The following SCD variants were observed in gnomAD, a reference collection of about 807,000 sequenced individuals.
SCD encodes the protein stearoyl-CoA desaturase.
In SCD, 4 loss-of-function variants were observed where a neutral mutation model predicts 35.7. That is an observed-to-expected ratio of 0.11 (90% CI 0.06 to 0.26). SCD has a LOEUF of 0.26. Ranked by LOEUF, SCD falls within the 10% of genes least tolerant of loss-of-function variation. SCD has a pLI of 1.00. For synonymous variants in SCD, 150 were observed against 170.2 expected (o/e 0.88, Z 0.92); for missense variants, 282 against 460.7 (o/e 0.61, Z 3.55).
At position 100,360,723 on chromosome 10, in the gene SCD, T is replaced by G. The variant is rs1254370038; in HGVS notation, c.881-11T>G. 2.5e-6 allele frequency: 4 copies of G among 1,606,572 alleles called. No individual in the cohort carries two copies. Among genetic ancestry groups the G allele is most frequent in the African/African-American group, 2.9e-5 (2 of 68,934 alleles). ...GCACCGTCACTCCATAACTTCTCGC[T>G]TTTGTTTCAGGTGAGGGCTTCCACA... On this transcript the variant is annotated splice_polypyrimidine_tract_variant and intron_variant, in intron 5 of 5. Coordinates refer to ENST00000370355, the MANE Select transcript of SCD (RefSeq NM_005063.5).
intron 5 of SCD, among the ~76,000 whole-genome samples, chr10:100,358,715 C>T (rs1347645806): frequency 1.4e-5 from 2 of 147,708 alleles, no homozygotes; most frequent in Non-Finnish European, 3.0e-5. Context: ...TAGAGATCAG[C>T]CAGGCCAATA....
Position 100,360,957 on chromosome 10 carries a change from T to G in SCD, c.*24T>G, listed in dbSNP as rs201774588. On this transcript the variant is annotated 3_prime_UTR_variant, in exon 6 of 6. Coordinates refer to ENST00000370355, the MANE Select transcript of SCD (RefSeq NM_005063.5). ...GAGTTTGGGGTCCCTCAGGTTCCTT[T>G]TTCAAAAACCAGCCAGGCAGAGGTT... is the stretch of plus-strand genomic sequence containing the variant. 9 of 1,605,150 alleles carry G rather than the reference T, an allele frequency of 5.6e-6. No individual in the cohort carries two copies. Among genetic ancestry groups the G allele is most frequent in the Non-Finnish European group, 7.7e-6 (9 of 1,173,194 alleles).
chr10:100,348,898 T>A (rs778535369), intron 2 of SCD, among the ~76,000 whole-genome samples: 3 of 152,196 alleles, frequency 2.0e-5, no homozygotes, highest in Non-Finnish European at 4.4e-5. Flanking sequence ...GCTTCTTCGT[T>A]ACAGAGGAAG....
At chr10:100,353,978 C>T (rs913588393) in intron 3 of SCD, among the ~76,000 whole-genome samples, 1 of 152,228 alleles carries the variant, frequency 6.6e-6, no homozygotes, top group Non-Finnish European at 1.5e-5. Flanking sequence ...TGCAAGGCAC[C>T]AGAATGGTGC....
At chr10:100,354,404 A>G (rs1298571445) in intron 3 of SCD, 23 bp from the exon 4 acceptor site, 11 of 1,598,066 alleles carry the variant, frequency 6.9e-6, no homozygotes, top group Non-Finnish European at 9.4e-6. Context: ...CAAGCCTTAC[A>G]TTCCTCTTCT....
Position 100,352,035 on chromosome 10 carries a change from TAG to T in SCD, c.311-328_311-327del, listed in dbSNP as rs1849877538. 6.6e-6 allele frequency among the ~76,000 whole-genome samples: 1 copy of T among 152,140 alleles called. No individual in the cohort carries two copies. Among genetic ancestry groups the T allele is most frequent in the African/African-American group, 2.4e-5 (1 of 41,428 alleles). ...CTTAAAACCTTAGAGAAGGCCTAGA[TAG>T]AGGTGAAAGGAGATAGCTAGGCCCT... is the stretch of plus-strand genomic sequence containing the variant. On this transcript the variant is annotated intron_variant, in intron 2 of 5. Coordinates refer to ENST00000370355, the MANE Select transcript of SCD (RefSeq NM_005063.5). This position sits in a 1 kb window ranked among gnomAD's most constrained non-coding sequence, Gnocchi z 4.2.
rs768356442 is a variant in SCD, at chr10:100,347,524, A to G, written c.20A>G (p.Gln7Arg). The G allele has an allele frequency of 6.2e-7, 1 of 1,614,022 alleles. No homozygotes were observed. Among genetic ancestry groups the G allele is most frequent in the Non-Finnish European group, 8.5e-7 (1 of 1,180,010 alleles). The change falls in exon 1 of 6, where the codon CAG (glutamine) becomes CGG (arginine). Residue 7 changes from glutamine to arginine, a missense_variant. By Grantham distance (43) the Gln-to-Arg change is conservative. Coordinates refer to ENST00000370355, the MANE Select transcript of SCD (RefSeq NM_005063.5). MPAHLL[Q>R]DDISSSYTTT... ...GCCAAGATGCCGGCCCACTTGCTGC[A>G]GGACGATGTGAGTTTCCCAGCCTGG...
Position 100,347,431 on chromosome 10 carries a change from G to T in SCD, c.-74G>T. The T allele has an allele frequency of 6.5e-7, 1 of 1,534,694 alleles. No individual in the cohort carries two copies. Among genetic ancestry groups the T allele is most frequent in the South Asian group, 1.2e-5 (1 of 86,166 alleles). On this transcript the variant is annotated 5_prime_UTR_variant, in exon 1 of 6. Transcript: ENST00000370355. ...CGTACCGGCGGGCTTCGAAACCGCA[G>T]TCCTCCGGCGACCCCGAACTCCGCT...
At position 100,363,793 on chromosome 10, in the gene SCD, A is replaced by C. The variant is rs202067208; in HGVS notation, c.*2860A>C. The stretch of plus-strand genomic sequence containing the variant: ...TCAATTCAAGTGACACATTAATGAT[A>C]AACTCAGATCTGATCAAGAGTCCGG... On this transcript the variant is annotated 3_prime_UTR_variant, in exon 6 of 6. Coordinates refer to ENST00000370355, the MANE Select transcript of SCD (RefSeq NM_005063.5). The C allele has an allele frequency of 1.3e-5, 2 of 152,592 alleles. No individual in the cohort carries two copies. The highest frequency in any genetic ancestry group is 2.4e-5 in the African/African-American group (1 of 41,424). 9.5% of individuals were successfully genotyped at this position (152,592 alleles called of 1,614,324 possible).
chr10:100,357,972 T>A (rs190121007), intron 5 of SCD, among the ~76,000 whole-genome samples: 56 of 152,302 alleles, frequency 3.7e-4, no homozygotes, highest in Non-Finnish European at 7.2e-4. Flanking sequence ...AAAATCTTCC[T>A]TTATATTCTC....
At chr10:100,347,977 C>A in intron 1 of SCD, 87 bp from the exon 2 acceptor site, 1 of 1,366,180 alleles carries the variant, frequency 7.3e-7, no homozygotes, top group Non-Finnish European at 1.0e-6. Context: ...ACTGTCCACC[C>A]TTCCCCCAGC....
At chr10:100,358,747 TAAA>T (rs11381871) in intron 5 of SCD, among the ~76,000 whole-genome samples, 1 of 112,894 alleles carries the variant, frequency 8.9e-6, no homozygotes, top group African/African-American at 3.5e-5. Flanking sequence ...TGTCTCTACT[TAAA>T]AAAAAAAAAA....
chr10:100,355,509 A>C (rs145126570), intron 4 of SCD, among the ~76,000 whole-genome samples: 234 of 152,318 alleles, frequency 1.5e-3, no homozygotes, highest in African/African-American at 5.5e-3. Flanking sequence ...CAGACTTAGG[A>C]CTTAATTCAA....
rs1849994206 is a variant in SCD, at chr10:100,361,966, A to G, written c.*1033A>G. The G allele has an allele frequency of 1.3e-5, 2 of 152,208 alleles. No homozygotes were observed. The highest frequency in any genetic ancestry group is 6.5e-5 in the Admixed American group (1 of 15,286). The allele number at this position is 152,208 out of a possible 1,614,324, so 9.4% of individuals were successfully genotyped here. A position where few individuals can be genotyped will look rare whatever the true frequency, so the allele number is the denominator to read the frequency against. ...TGGCTGTGGCATTTCCAAACATCCA[A>G]AAAAAGGGAAGGATTTAAGGAGGTG... On this transcript the variant is annotated 3_prime_UTR_variant, in exon 6 of 6. Coordinates refer to ENST00000370355, the MANE Select transcript of SCD (RefSeq NM_005063.5).
chr10:100,356,595 C>A lies in SCD; in HGVS notation c.711C>A (p.Phe237Leu). The A allele has an allele frequency of 1.7e-5, 27 of 1,614,170 alleles. No individual in the cohort carries two copies. Among genetic ancestry groups the A allele is most frequent in the Non-Finnish European group, 2.3e-5 (27 of 1,180,032 alleles). ...FILPTLVPWYFWGETFQNSVF... is the reference protein window; with the variant it reads ...FILPTLVPWYLWGETFQNSVF... ...TGCCCACGCTTGTGCCCTGGTATTT[C>A]TGGGGTGAAACTTTTCAAAACAGTG... Residue 237 changes from phenylalanine (F) to leucine (L), a missense_variant, in exon 5 of 6, where the codon TTC (phenylalanine) becomes TTA (leucine). Transcript: ENST00000370355. The surrounding 1 kb of genome is among the most constrained non-coding windows in gnomAD (Gnocchi z 4.1).
At chr10:100,353,417 C>T (rs1387149657) in intron 3 of SCD, among the ~76,000 whole-genome samples, 1 of 152,006 alleles carries the variant, frequency 6.6e-6, no homozygotes, top group African/African-American at 2.4e-5. Flanking sequence ...AACTCTGTCT[C>T]TACTAAAAAT....
In SCD at chr10:100,347,276, G is replaced by A; in HGVS notation, c.-229G>A. On this transcript the variant is annotated 5_prime_UTR_variant, in exon 1 of 6. Transcript: ENST00000370355. ...TGCCCCTGCTTGGCAGCGGATAAAA[G>A]GGGGCTGAGGAAATACCGGACACGG... 1.7e-6 allele frequency: 1 copy of A among 588,768 alleles called. No homozygotes were observed. The highest frequency in any genetic ancestry group is 2.0e-5 in the South Asian group (1 of 51,198). 36.5% of individuals were successfully genotyped at this position (588,768 alleles called of 1,614,324 possible). A position where few individuals can be genotyped will look rare whatever the true frequency, so the allele number is the denominator to read the frequency against.
chr10:100,358,949 AT>A (rs539320374), intron 5 of SCD, among the ~76,000 whole-genome samples: 260 of 151,636 alleles, frequency 1.7e-3, no homozygotes, highest in African/African-American at 5.5e-3. Flanking sequence ...AAATAAAAGC[AT>A]TTTTTTTCTC....
At chr10:100,347,790 G>A (rs1849815843) in intron 1 of SCD, among the ~76,000 whole-genome samples, 1 of 152,234 alleles carries the variant, frequency 6.6e-6, no homozygotes, top group Non-Finnish European at 1.5e-5. Flanking sequence ...CTTTGTCTTC[G>A]TGGGGATGTG....
Sources: allele counts gnomAD v4.1 joint callset (sites outside exome capture counted in the v4.1 genomes callset), GRCh38; gene constraint gnomAD v4.1.1; non-coding constraint Gnocchi (gnomAD v3.1); transcripts MANE v1.5; gene names NCBI Gene and HGNC (gene_info 2026-07-23, HGNC 2026-07-21).